Variants in RBFOX3 observed in about 807,000 individuals in gnomAD.
The protein encoded by RBFOX3 is RNA binding protein fox-1 homolog 3.
In RBFOX3, 17 loss-of-function variants were observed where a neutral mutation model predicts 48.7. The observed-to-expected ratio is 0.35, with a 90% CI of 0.24 to 0.52. The LOEUF is 0.52. Ranked by LOEUF, RBFOX3 falls within the 20% of genes least tolerant of loss-of-function variation. The probability of loss-of-function intolerance (pLI) is 0.94; values close to 1 mark genes in which losing one functional copy is unlikely to be tolerated. For missense variants in RBFOX3, 382 were observed against 497.5 expected (o/e 0.77, Z 2.21); for synonymous variants, 212 against 209.5 (o/e 1.01, Z -0.10).
chr17:79,508,745 CCA>C (rs2083582368), intron 1 of RBFOX3: 1 of 152,428 alleles, frequency 6.6e-6, no homozygotes, highest in African/African-American at 2.4e-5. Context: ...TCCGCACACC[CCA>C]CACACCCCGC....
chr17:79,593,415 A>T (rs1401914799), intron 1 of RBFOX3, among the ~76,000 whole-genome samples: 4 of 152,190 alleles, frequency 2.6e-5, no homozygotes, highest in African/African-American at 9.6e-5. Flanking sequence ...TTGCTTTTTT[A>T]ACGCTGTTAG....
chr17:79,659,149 G>A, the RBFOX3 span, among the ~76,000 whole-genome samples: 42 of 152,094 alleles, frequency 2.8e-4, no homozygotes, highest in African/African-American at 8.7e-4. Flanking sequence ...GCGGGGGCCC[G>A]TGACAACATC....
chr17:79,355,631 A>G (rs540315192), intron 2 of RBFOX3, among the ~76,000 whole-genome samples: 1 of 151,738 alleles, frequency 6.6e-6, no homozygotes, highest in Non-Finnish European at 1.5e-5. Context: ...CCCAGGCTGG[A>G]GTACAGTGGT....
the RBFOX3 span, among the ~76,000 whole-genome samples, chr17:79,642,170 C>G: frequency 6.6e-6 from 1 of 152,076 alleles, no homozygotes; most frequent in Non-Finnish European, 1.5e-5. Context: ...ATGTCAAACT[C>G]ATAAAAACAA....
intron 3 of RBFOX3, among the ~76,000 whole-genome samples, chr17:79,266,302 T>G (rs972221358): frequency 2.6e-5 from 4 of 152,240 alleles, no homozygotes; most frequent in African/African-American, 4.8e-5. Flanking sequence ...TGAAGGGAAG[T>G]GTCCTCATCC....
chr17:79,483,961 G>A (rs2079150343), intron 1 of RBFOX3, among the ~76,000 whole-genome samples: 1 of 150,712 alleles, frequency 6.6e-6, no homozygotes, highest in Admixed American at 6.6e-5. Context: ...AGCCTGGGAA[G>A]TCTTGTTTGC....
In RBFOX3 at chr17:79,439,334, C is replaced by T. The variant is rs1239039735; in HGVS notation, c.-175+43120G>A. 3.3e-5 allele frequency among the ~76,000 whole-genome samples: 5 copies of T among 152,200 alleles called. No homozygotes were observed. In the East Asian group the frequency reaches 5.8e-4, roughly 18 times the overall value. On this transcript the variant is annotated intron_variant, in intron 2 of 14. Coordinates refer to ENST00000693108, the MANE Select transcript of RBFOX3 (RefSeq NM_001350451.2). The stretch of plus-strand genomic sequence containing the variant: ...TAGTTTAAGTAAGATAGAGCGAAAT[C>T]GCTCTGTTGTGTCATTGATTTTTAA...
chr17:79,229,890 T>A (rs901827218), intron 4 of RBFOX3, among the ~76,000 whole-genome samples: 1 of 152,210 alleles, frequency 6.6e-6, no homozygotes, highest in Non-Finnish European at 1.5e-5. Flanking sequence ...TCCTGCCTTT[T>A]GAACAGGCCT....
intron 14 of RBFOX3, chr17:79,092,556 T>C: frequency 1.0e-6 from 1 of 986,488 alleles, no homozygotes; most frequent in Non-Finnish European, 1.2e-6. Context: ...TGGTGTGTAA[T>C]AGGCAGTCAG....
At chr17:79,415,656 C>T (rs1941906319) in intron 2 of RBFOX3, among the ~76,000 whole-genome samples, 1 of 152,182 alleles carries the variant, frequency 6.6e-6, no homozygotes, top group Admixed American at 6.5e-5. Flanking sequence ...CAATTGCATG[C>T]GGCTCAGTTA....
At chr17:79,401,529 G>C (rs530507224) in intron 2 of RBFOX3, among the ~76,000 whole-genome samples, 28 of 152,342 alleles carry the variant, frequency 1.8e-4, no homozygotes, top group African/African-American at 6.7e-4. Context: ...GTGCACGTGA[G>C]ACCCTGCCTT....
chr17:79,296,909 C>A (rs574156169), intron 3 of RBFOX3, among the ~76,000 whole-genome samples: 2 of 128,474 alleles, frequency 1.6e-5, no homozygotes, highest in African/African-American at 3.0e-5. Flanking sequence ...TTTTCCTCCT[C>A]CCCATCCCCT....
intron 1 of RBFOX3, among the ~76,000 whole-genome samples, chr17:79,593,120 A>G (rs906682264): frequency 1.3e-5 from 2 of 152,130 alleles, no homozygotes; most frequent in Non-Finnish European, 2.9e-5. Context: ...GTGCAGGTGC[A>G]GAAGAAACCC....
At chr17:79,263,168 C>T (rs549755057) in intron 3 of RBFOX3, among the ~76,000 whole-genome samples, 2 of 152,306 alleles carry the variant, frequency 1.3e-5, no homozygotes, top group South Asian at 4.1e-4. Flanking sequence ...GGGGTACCCC[C>T]CCGGCTGTGC....
chr17:79,587,377 C>T (rs1261163794), intron 1 of RBFOX3, among the ~76,000 whole-genome samples: 1 of 152,252 alleles, frequency 6.6e-6, no homozygotes, highest in African/African-American at 2.4e-5. Context: ...ATGTCCACGG[C>T]AGCCTGATCC....
intron 2 of RBFOX3, among the ~76,000 whole-genome samples, chr17:79,404,358 G>A (rs182416002): frequency 5.3e-5 from 8 of 152,204 alleles, no homozygotes; most frequent in Admixed American, 1.3e-4. Context: ...TCTACACTCC[G>A]GGCATGAGGG....
chr17:79,500,626 C>T (rs2082263817), intron 1 of RBFOX3, among the ~76,000 whole-genome samples: 1 of 152,092 alleles, frequency 6.6e-6, no homozygotes, highest in Non-Finnish European at 1.5e-5. Flanking sequence ...GTATACCTTC[C>T]CCCTTCAATT....
intron 1 of RBFOX3, among the ~76,000 whole-genome samples, chr17:79,585,833 A>C (rs2093232914): frequency 6.6e-6 from 1 of 152,174 alleles, no homozygotes. Flanking sequence ...GTGAAAGGTT[A>C]GGATGGGCTC....
chr17:79,657,428 T>C, the RBFOX3 span, among the ~76,000 whole-genome samples: 122,056 of 152,182 alleles, frequency 0.8, 51,151 homozygotes, highest in East Asian at 0.97. Context: ...CCTGTAATCC[T>C]AGCACTTTGG....
Sources: allele counts gnomAD v4.1 joint callset (sites outside exome capture counted in the v4.1 genomes callset), GRCh38; gene constraint gnomAD v4.1.1; transcripts MANE v1.5; gene names NCBI Gene and HGNC (gene_info 2026-07-23, HGNC 2026-07-21).